NEO1: variants seen among roughly 807,000 people sequenced by gnomAD.
The protein encoded by NEO1 is neogenin.
A neutral mutation model predicts 159.7 loss-of-function variants in NEO1; 63 were observed. That is an observed-to-expected ratio of 0.39 (90% CI 0.32 to 0.49). The LOEUF (loss-of-function observed/expected upper bound fraction) is 0.49, where lower values mean the gene tolerates loss of function less well. Ranked by LOEUF, NEO1 falls within the 20% of genes least tolerant of loss-of-function variation. NEO1 has a pLI of 0.85. For missense variants in NEO1, 1,615 were observed against 1,831.0 expected, an observed-to-expected ratio of 0.88 and a Z score of 2.15; for synonymous variants, 633 against 662.0, an observed-to-expected ratio of 0.96 and a Z score of 0.67.
intron 2 of NEO1, among the ~76,000 whole-genome samples, chr15:73,119,508 G>A (rs566033739): frequency 1.1e-3 from 161 of 152,226 alleles, no homozygotes; most frequent in Admixed American, 1.7e-3. Context: ...TATGCTGGCT[G>A]TGAGTATTTT....
At chr15:73,176,311 C>T in intron 5 of NEO1, 92 bp from the exon 6 acceptor site, 2 of 846,634 alleles carry the variant, frequency 2.4e-6, no homozygotes, top group Non-Finnish European at 3.3e-6. Flanking sequence ...AGTAAAAATC[C>T]TGTGGATTTT....
At chr15:73,287,595 GT>G (rs2041994866) in intron 23 of NEO1, among the ~76,000 whole-genome samples, 2 of 152,294 alleles carry the variant, frequency 1.3e-5, no homozygotes, top group South Asian at 4.1e-4. Flanking sequence ...CTTCGAAGTT[GT>G]TCCGGCCAGG....
At chr15:73,107,645 G>A (rs1251200291) in intron 1 of NEO1, among the ~76,000 whole-genome samples, 1 of 152,162 alleles carries the variant, frequency 6.6e-6, no homozygotes, top group Non-Finnish European at 1.5e-5. Context: ...TGAAATGGTG[G>A]TAGTTGAATA....
At chr15:73,285,236 C>T (rs1292560841) in intron 23 of NEO1, among the ~76,000 whole-genome samples, 1 of 152,126 alleles carries the variant, frequency 6.6e-6, no homozygotes, top group Non-Finnish European at 1.5e-5. Flanking sequence ...TCTCCTGCCT[C>T]AGCCTCCCAA....
At position 73,295,145 on chromosome 15, in the gene NEO1, T is replaced by TATATATATATAA. The variant is rs1306550657; in HGVS notation, c.3901+1598_3901+1599insTATATATATAAA. ...TATTAAATATATATATATATATATG[T>TATATATATATAA]AAAAATTTGGCCTTTCTACTATCTC... On this transcript the variant is annotated intron_variant, in intron 26 of 28. Coordinates refer to ENST00000261908, the MANE Select transcript of NEO1 (RefSeq NM_002499.4). Among the ~76,000 whole-genome samples the TATATATATATAA allele has an allele frequency of 1.2e-3, 167 of 134,936 alleles. 4 individuals carry two copies. Among genetic ancestry groups the TATATATATATAA allele is most frequent in the Non-Finnish European group, 2.4e-3 (145 of 61,324 alleles). 88.5% of individuals were successfully genotyped at this position (134,936 alleles called of 152,430 possible).
At chr15:73,302,281 T>G (rs770348572) in intron 28 of NEO1, among the ~76,000 whole-genome samples, 2 of 151,992 alleles carry the variant, frequency 1.3e-5, no homozygotes, top group African/African-American at 2.4e-5. Flanking sequence ...AGCGGAAAGC[T>G]TGGGGCCCAG....
intron 1 of NEO1, among the ~76,000 whole-genome samples, chr15:73,106,615 T>C (rs1473705729): frequency 6.6e-6 from 1 of 152,170 alleles, no homozygotes; most frequent in Non-Finnish European, 1.5e-5. Flanking sequence ...AGTGCAGATA[T>C]GGTGGTTACA....
intron 5 of NEO1, among the ~76,000 whole-genome samples, chr15:73,173,209 AAGG>A (rs1336432867): frequency 1.3e-5 from 2 of 152,186 alleles, no homozygotes; most frequent in Non-Finnish European, 2.9e-5. Context: ...TTGCTTTGAG[AAGG>A]AACAGACAAA....
chr15:73,286,756 G>C (rs1390675704), intron 23 of NEO1, among the ~76,000 whole-genome samples: 1 of 152,102 alleles, frequency 6.6e-6, no homozygotes, highest in Non-Finnish European at 1.5e-5. Context: ...GCATCATCCT[G>C]TACTCCTCTT....
chr15:73,280,053 C>G (rs2041619100), intron 22 of NEO1, among the ~76,000 whole-genome samples: 2 of 152,150 alleles, frequency 1.3e-5, no homozygotes, highest in Non-Finnish European at 2.9e-5. Context: ...CTTTTATTAT[C>G]AACTGTTATT....
chr15:73,094,082 A>T (rs1489103887), intron 1 of NEO1, among the ~76,000 whole-genome samples: 1 of 152,096 alleles, frequency 6.6e-6, no homozygotes, highest in Non-Finnish European at 1.5e-5. Context: ...TTTAATTGCG[A>T]TATAACTCAC....
At chr15:73,100,629 C>A (rs1296490640) in intron 1 of NEO1, among the ~76,000 whole-genome samples, 2 of 152,314 alleles carry the variant, frequency 1.3e-5, no homozygotes, top group East Asian at 3.9e-4. Flanking sequence ...GCCACTGCAC[C>A]CAGCCACTTT....
rs201076356 is a variant in NEO1, at chr15:73,249,732, C to T, written c.1894+11C>T. On this transcript the variant is annotated intron_variant, in intron 11 of 28. Coordinates refer to ENST00000261908, the MANE Select transcript of NEO1 (RefSeq NM_002499.4). ...GAACATTGTCAGATGGTGAGTCTTT[C>T]TTCCTCTGGAACGATATACCACACT... The T allele has an allele frequency of 6.2e-7, 1 of 1,605,204 alleles. No homozygotes were observed. Among genetic ancestry groups the T allele is most frequent in the Non-Finnish European group, 8.5e-7 (1 of 1,176,932 alleles).
chr15:73,219,461 C>G (rs2038099255), intron 7 of NEO1, among the ~76,000 whole-genome samples: 1 of 144,602 alleles, frequency 6.9e-6, no homozygotes, highest in Non-Finnish European at 1.5e-5. Flanking sequence ...GAGCTGAGTT[C>G]AATTCCTGGG....
At chr15:73,167,720 A>G (rs972819228) in intron 5 of NEO1, among the ~76,000 whole-genome samples, 7 of 152,242 alleles carry the variant, frequency 4.6e-5, no homozygotes, top group Admixed American at 2.0e-4. Context: ...AAAGAAGTGG[A>G]GCCTATATTT....
intron 1 of NEO1, among the ~76,000 whole-genome samples, chr15:73,062,258 T>C (rs1417027716): frequency 1.3e-5 from 2 of 152,220 alleles, no homozygotes; most frequent in Non-Finnish European, 2.9e-5. Flanking sequence ...TTAAAATTAT[T>C]AATGGAGTTG....
chr15:73,111,472 T>C (rs1438865210), intron 1 of NEO1, among the ~76,000 whole-genome samples: 1 of 152,150 alleles, frequency 6.6e-6, no homozygotes, highest in Non-Finnish European at 1.5e-5. Flanking sequence ...AAAGAAAAAA[T>C]TAAAAATCAA....
At chr15:73,185,137 G>C (rs766574099) in intron 7 of NEO1, among the ~76,000 whole-genome samples, 9 of 152,082 alleles carry the variant, frequency 5.9e-5, no homozygotes, top group Admixed American at 1.3e-4. Flanking sequence ...TGGGAGGAGA[G>C]AGCGATGAAT....
At chr15:73,162,533 T>C (rs1221195743) in intron 5 of NEO1, among the ~76,000 whole-genome samples, 2 of 151,980 alleles carry the variant, frequency 1.3e-5, no homozygotes, top group Admixed American at 6.6e-5. Flanking sequence ...GCTGGGGTTA[T>C]AGGTGTGCGT....
Sources: gnomAD v4.1 joint callset for allele counts (sites outside exome capture counted in the v4.1 genomes callset) on GRCh38, gnomAD v4.1.1 for gene constraint, MANE v1.5 for transcripts, NCBI Gene and HGNC (gene_info 2026-07-23, HGNC 2026-07-21) for gene names.